ADORA2B: variants seen among roughly 807,000 people sequenced by gnomAD.
ADORA2B encodes the protein adenosine A2b receptor.
Under a neutral mutation model 20.8 loss-of-function variants are expected in ADORA2B, and 18 were observed. That is an observed-to-expected ratio of 0.87 (90% CI 0.60 to 1.29). The LOEUF is 1.29. Ranked by LOEUF, ADORA2B falls within the 50% of genes most tolerant of loss-of-function variation. ADORA2B has a pLI of 0.00. For missense variants in ADORA2B, 441 were observed against 422.7 expected (o/e 1.04, Z -0.38); for synonymous variants, 179 against 178.3 (o/e 1.00, Z -0.03).
intron 1 of ADORA2B, among the ~76,000 whole-genome samples, chr17:15,962,074 G>GCA: frequency 6.6e-6 from 1 of 152,266 alleles, no homozygotes; most frequent in South Asian, 2.1e-4. Flanking sequence ...AGGCCAAAGT[G>GCA]GGTGGATCAC....
the ADORA2B span, among the ~76,000 whole-genome samples, chr17:15,926,769 G>A: frequency 6.6e-6 from 1 of 152,044 alleles, no homozygotes; most frequent in Non-Finnish European, 1.5e-5. Context: ...TCAAGACTGA[G>A]ACCAGCCTAG....
At chr17:15,865,712 AATT>A in the ADORA2B span, among the ~76,000 whole-genome samples, 2 of 150,594 alleles carry the variant, frequency 1.3e-5, no homozygotes, top group African/African-American at 2.4e-5. Context: ...CATTGTCCTC[AATT>A]ATTCTCCTTA....
the ADORA2B span, among the ~76,000 whole-genome samples, chr17:15,930,212 C>T: frequency 6.6e-6 from 1 of 150,912 alleles, no homozygotes; most frequent in Non-Finnish European, 1.5e-5. Context: ...TTAGGAAGAA[C>T]TTTTTAAATT....
chr17:15,973,268 G>A (rs1272108322), intron 1 of ADORA2B, among the ~76,000 whole-genome samples: 1 of 152,216 alleles, frequency 6.6e-6, no homozygotes, highest in Non-Finnish European at 1.5e-5. Flanking sequence ...TATCCATGAT[G>A]TCAGCCTCTT....
At chr17:15,879,433 A>G in the ADORA2B span, among the ~76,000 whole-genome samples, 14 of 152,238 alleles carry the variant, frequency 9.2e-5, no homozygotes, top group African/African-American at 3.1e-4. Flanking sequence ...AGTGTGGGCA[A>G]CAGAGTGAGT....
chr17:15,927,599 A>T, the ADORA2B span, among the ~76,000 whole-genome samples: 1 of 152,150 alleles, frequency 6.6e-6, no homozygotes, highest in African/African-American at 2.4e-5. Flanking sequence ...GTGAGCCAAG[A>T]TTGCACCACT....
intron 1 of ADORA2B, among the ~76,000 whole-genome samples, chr17:15,947,920 A>G (rs1443165422): frequency 6.6e-6 from 1 of 152,152 alleles, no homozygotes; most frequent in Non-Finnish European, 1.5e-5. Context: ...TCAGGGCCTG[A>G]AGCTTTCCTC....
At chr17:15,945,666 T>C in intron 1 of ADORA2B, 83 bp downstream of exon 1, 2 of 1,328,036 alleles carry the variant, frequency 1.5e-6, no homozygotes, top group South Asian at 1.5e-5. Context: ...GGTTCCTCCC[T>C]CGGGGGCCCC....
chr17:15,878,277 A>G, the ADORA2B span, among the ~76,000 whole-genome samples: 1 of 151,382 alleles, frequency 6.6e-6, no homozygotes, highest in Non-Finnish European at 1.5e-5. Flanking sequence ...CACTTATTTC[A>G]TCATCTCTCT....
intron 1 of ADORA2B, among the ~76,000 whole-genome samples, chr17:15,946,074 T>G (rs1969801971): frequency 6.6e-6 from 1 of 152,132 alleles, no homozygotes; most frequent in South Asian, 2.1e-4. Context: ...CAAGGCAACT[T>G]TGGACGCTGG....
the ADORA2B span, among the ~76,000 whole-genome samples, chr17:15,920,311 T>A: frequency 6.6e-6 from 1 of 152,180 alleles, no homozygotes; most frequent in Non-Finnish European, 1.5e-5. Context: ...AGCCCAGACT[T>A]CACCACTGTT....
At chr17:15,866,635 A>G in the ADORA2B span, among the ~76,000 whole-genome samples, 11 of 150,528 alleles carry the variant, frequency 7.3e-5, no homozygotes, top group African/African-American at 2.5e-4. Flanking sequence ...AAATACATAT[A>G]TGGCAAATAC....
At chr17:15,916,649 CAG>C in the ADORA2B span, among the ~76,000 whole-genome samples, 1 of 152,212 alleles carries the variant, frequency 6.6e-6, no homozygotes, top group African/African-American at 2.4e-5. Flanking sequence ...CCAATTACAT[CAG>C]GGGTCAATCT....
the ADORA2B span, among the ~76,000 whole-genome samples, chr17:15,930,605 G>A: frequency 6.6e-6 from 1 of 152,142 alleles, no homozygotes; most frequent in Admixed American, 6.5e-5. Context: ...CAGGAAGAAC[G>A]TTCACTGACT....
At chr17:15,866,656 T>C in the ADORA2B span, among the ~76,000 whole-genome samples, 1 of 147,814 alleles carries the variant, frequency 6.8e-6, no homozygotes, top group East Asian at 1.9e-4. Context: ...CTTCTTCCAG[T>C]GTGCCTTAAA....
the ADORA2B span, among the ~76,000 whole-genome samples, chr17:15,898,957 C>T: frequency 6.6e-6 from 1 of 152,112 alleles, no homozygotes; most frequent in African/African-American, 2.4e-5. Context: ...AGGCCGGGCA[C>T]AGTAGCTCAC....
the ADORA2B span, among the ~76,000 whole-genome samples, chr17:15,901,489 A>T: frequency 1.3e-5 from 2 of 152,088 alleles, no homozygotes. Context: ...AAAAAAGCTA[A>T]TTTGAGCTGA....
At chr17:15,855,381 G>C in the ADORA2B span, among the ~76,000 whole-genome samples, 273 of 152,088 alleles carry the variant, frequency 1.8e-3, 2 homozygotes, top group African/African-American at 6.3e-3. Flanking sequence ...CCAGAGCCCT[G>C]TGCTTGGCCT....
At chr17:15,962,298 G>A (rs887051742) in intron 1 of ADORA2B, among the ~76,000 whole-genome samples, 6 of 152,216 alleles carry the variant, frequency 3.9e-5, no homozygotes, top group South Asian at 2.1e-4. Context: ...GCAAGACTGC[G>A]TCTCAAAACA....
Sources: allele counts gnomAD v4.1 joint callset (sites outside exome capture counted in the v4.1 genomes callset), GRCh38; gene constraint gnomAD v4.1.1; transcripts MANE v1.5; gene names NCBI Gene and HGNC (gene_info 2026-07-23, HGNC 2026-07-21).